The following UBR4 variants were observed in gnomAD, a reference collection of about 807,000 sequenced individuals.
UBR4 encodes the protein ubiquitin protein ligase E3 component n-recognin 4.
UBR4 carries 124 observed loss-of-function variants against 575.6 expected under a neutral mutation model. The observed-to-expected ratio is 0.22, with a 90% confidence interval of 0.19 to 0.25. UBR4 has a LOEUF of 0.25. Among genes scored for constraint, UBR4 ranks in the 10% least tolerant of loss-of-function variants. UBR4 has a pLI of 1.00. For missense variants in UBR4, 4,818 were observed against 6,478.8 expected (o/e 0.74, Z 8.80); for synonymous variants, 2,455 against 2,473.7 (o/e 0.99, Z 0.22).
At chr1:19,186,429 G>A in intron 14 of UBR4, 111 bp downstream of exon 14, 1 of 915,244 alleles carries the variant, frequency 1.1e-6, no homozygotes, top group Non-Finnish European at 1.6e-6. Flanking sequence ...CTAAGCAGGT[G>A]AAAACAAAAT....
At chr1:19,190,310 AAAATAT>A (rs1212640900) in intron 11 of UBR4, among the ~76,000 whole-genome samples, 3 of 78,038 alleles carry the variant, frequency 3.8e-5, no homozygotes, top group African/African-American at 1.5e-4. Context: ...AAAAAAAAAA[AAAATAT>A]ATATATATAT....
chr1:19,179,326 T>C (rs2090624238), intron 17 of UBR4, 106 bp from the exon 18 acceptor site: 2 of 1,221,256 alleles, frequency 1.6e-6, no homozygotes, highest in Non-Finnish European at 2.1e-6. Flanking sequence ...GAACAGAATA[T>C]TTTAAAGAAA....
chr1:19,174,779 G>A (rs1380230480), intron 21 of UBR4, among the ~76,000 whole-genome samples, 175 bp downstream of exon 21: 4 of 151,862 alleles, frequency 2.6e-5, no homozygotes, highest in Non-Finnish European at 5.9e-5. Context: ...CAGCAAAAGT[G>A]CACCCAACAA....
intron 71 of UBR4, chr1:19,118,597 A>AT (rs1187295632): frequency 5.0e-4 from 179 of 356,676 alleles, no homozygotes; most frequent in South Asian, 7.5e-4. Context: ...ACTTTTTTAA[A>AT]TTTTTTTTTA....
At chr1:19,162,003 G>GCAAATGA in intron 35 of UBR4, 106 bp from the exon 36 acceptor site, 1 of 1,241,128 alleles carries the variant, frequency 8.1e-7, no homozygotes, top group Non-Finnish European at 1.1e-6. Flanking sequence ...TAGTTGACTC[G>GCAAATGA]CAAATGACCC....
chr1:19,081,419 G>T lies in UBR4; in HGVS notation c.15163C>A (p.Arg5055Ser). ...ILPPEQWRATRVEILRRLLVT... is the reference protein window; with the variant it reads ...ILPPEQWRATSVEILRRLLVT... ...AACAGCCTCCGCAAGATTTCCACAC[G>T]TGTGGCTCTCCACTGCTCAGGGGGC... Residue 5055 changes from arginine (R) to serine (S), a missense_variant, in exon 103 of 106, where the codon CGT becomes AGT. Transcript: ENST00000375254. The T allele has an allele frequency of 6.2e-7, 1 of 1,613,982 alleles. No individual in the cohort carries two copies.
intron 101 of UBR4, among the ~76,000 whole-genome samples, chr1:19,085,866 A>G (rs894592556): frequency 6.6e-6 from 1 of 152,152 alleles, no homozygotes; most frequent in Non-Finnish European, 1.5e-5. Context: ...AGATCAGCAA[A>G]GGAATAGTGA....
intron 1 of UBR4, among the ~76,000 whole-genome samples, chr1:19,208,594 GATTATTTGTACAAAC>G (rs1400098994): frequency 1.3e-5 from 2 of 151,460 alleles, no homozygotes; most frequent in East Asian, 3.9e-4. Context: ...TACAACTCTT[GATTATTTGTACAAAC>G]AGAGGGTATG....
At chr1:19,180,895 C>T (rs1480325642) in intron 17 of UBR4, among the ~76,000 whole-genome samples, 5 of 152,298 alleles carry the variant, frequency 3.3e-5, no homozygotes, top group Middle Eastern at 3.4e-3. Context: ...AGAACTCTGG[C>T]TGAGTCCTCC....
chr1:19,095,133 T>G, intron 93 of UBR4, 108 bp from the exon 94 acceptor site: 5 of 1,516,608 alleles, frequency 3.3e-6, no homozygotes, highest in Non-Finnish European at 4.5e-6. Context: ...CCAGAGACCA[T>G]GTGTGTATGA....
Position 19,088,691 on chromosome 1 carries a change from C to CT in UBR4, c.14430+67dup. 2.0e-6 allele frequency: 3 copies of CT among 1,538,094 alleles called. No individual in the cohort carries two copies. Among genetic ancestry groups the CT allele is most frequent in the Non-Finnish European group, 2.7e-6 (3 of 1,115,680 alleles). ...TCTTTCCCCATGGCCAACCCCAGGG[C>CT]TGTCCCATGGCCACCTCCTCATCAA... On this transcript the variant is annotated intron_variant, in intron 98 of 105. Transcript: ENST00000375254. The surrounding 1 kb of genome is among the most constrained non-coding windows in gnomAD (Gnocchi z 4.0).
rs747804959 is a variant in UBR4 at position 19,174,462 on chromosome 1, G to C, written c.2854-15C>G. The C allele has an allele frequency of 3.0e-5, 48 of 1,604,922 alleles. No individual in the cohort carries two copies. The Admixed American group carries it at 7.9e-4, about 26-fold the overall frequency. On this transcript the variant is annotated splice_polypyrimidine_tract_variant and intron_variant, in intron 21 of 105. Coordinates refer to ENST00000375254, the MANE Select transcript of UBR4 (RefSeq NM_020765.3). ...ACGTCACATGCCTGACATCAAGAAAGAAAGAGAGTCATTTCCTTACTTTTA... is the reference window on the plus strand; with the variant it reads ...ACGTCACATGCCTGACATCAAGAAACAAAGAGAGTCATTTCCTTACTTTTA...
chr1:19,185,332 G>C (rs1303454318), intron 14 of UBR4, 46 bp from the exon 15 acceptor site: 12 of 1,495,626 alleles, frequency 8.0e-6, no homozygotes, highest in Non-Finnish European at 1.1e-5. Flanking sequence ...TTTTTTAAAA[G>C]TGTTTTTGGT....
chr1:19,081,274 T>G (rs1476642071), intron 103 of UBR4, 75 bp downstream of exon 103: 1 of 1,311,534 alleles, frequency 7.6e-7, no homozygotes, highest in Non-Finnish European at 1.1e-6. Flanking sequence ...ACCTAGCACG[T>G]GCGTACCACT....
chr1:19,147,078 CAGA>C, intron 51 of UBR4, 78 bp from the exon 52 acceptor site: 1 of 1,461,590 alleles, frequency 6.8e-7, no homozygotes, highest in Non-Finnish European at 9.1e-7. Flanking sequence ...GAAAAGCTGG[CAGA>C]TCACCAGGAT....
At chr1:19,076,558 G>C (rs2075961270) in intron 105 of UBR4, among the ~76,000 whole-genome samples, 182 bp downstream of exon 105, 1 of 152,212 alleles carries the variant, frequency 6.6e-6, no homozygotes, top group Non-Finnish European at 1.5e-5. Flanking sequence ...TGTTAGAGCT[G>C]CTGTTCTCGT....
chr1:19,113,177 C>T (rs771152787), intron 77 of UBR4: 60 of 314,664 alleles, frequency 1.9e-4, no homozygotes, highest in Non-Finnish European at 3.0e-4. Context: ...GATGGCACTC[C>T]AGCAATTTGG....
chr1:19,156,938 A>G lies in UBR4; in HGVS notation c.5761-13T>C. The G allele has an allele frequency of 6.2e-7, 1 of 1,610,926 alleles. No homozygotes were observed. The highest frequency in any genetic ancestry group is 8.5e-7 in the Non-Finnish European group (1 of 1,177,990). ...GCAGAACGGTGATCTGCAAAGGAAC[A>G]ATGACTAATTTATTCCTACTCCTGG... is the stretch of plus-strand genomic sequence containing the variant. On this transcript the variant is annotated splice_polypyrimidine_tract_variant and intron_variant, in intron 40 of 105. Transcript: ENST00000375254.
chr1:19,195,599 A>G (rs763111074), intron 8 of UBR4, among the ~76,000 whole-genome samples: 2 of 152,228 alleles, frequency 1.3e-5, no homozygotes, highest in African/African-American at 4.8e-5. Context: ...TCAACGGTAG[A>G]GCATGAGGAA....
Sources: gnomAD v4.1 joint callset for allele counts (sites outside exome capture counted in the v4.1 genomes callset) on GRCh38, gnomAD v4.1.1 for gene constraint, Gnocchi (gnomAD v3.1) non-coding constraint, MANE v1.5 for transcripts, NCBI Gene and HGNC (gene_info 2026-07-23, HGNC 2026-07-21) for gene names.